Variants in MGAT4C observed in about 807,000 individuals in gnomAD.
The protein encoded by MGAT4C is MGAT4 family member C.
Under a neutral mutation model 40.1 loss-of-function variants are expected in MGAT4C, and 19 were observed. The observed-to-expected ratio is 0.47, with a 90% CI of 0.33 to 0.70. The LOEUF (loss-of-function observed/expected upper bound fraction) is 0.70. MGAT4C is among the 30% of genes least tolerant of loss of function. MGAT4C has a pLI of 0.02. For synonymous variants in MGAT4C, 181 were observed against 187.1 expected (o/e 0.97, Z 0.27); for missense variants, 491 against 563.2 (o/e 0.87, Z 1.30).
chr12:86,350,941 G>T (rs1955145068), intron 3 of MGAT4C, among the ~76,000 whole-genome samples: 1 of 150,736 alleles, frequency 6.6e-6, no homozygotes, highest in Non-Finnish European at 1.5e-5. Context: ...TAGACATGTT[G>T]TTTTTTTAAT....
chr12:86,541,074 C>T (rs1283525827), intron 2 of MGAT4C, among the ~76,000 whole-genome samples: 1 of 152,078 alleles, frequency 6.6e-6, no homozygotes, highest in Non-Finnish European at 1.5e-5. Flanking sequence ...ATTGAAGTTA[C>T]CTATGGTAAC....
intron 2 of MGAT4C, among the ~76,000 whole-genome samples, chr12:86,629,929 C>A (rs977111204): frequency 2.6e-5 from 4 of 151,974 alleles, no homozygotes; most frequent in Admixed American, 2.0e-4. Context: ...CAGACAGAGG[C>A]ACAAAAAACC....
intron 1 of MGAT4C, among the ~76,000 whole-genome samples, chr12:86,182,432 T>C (rs1888228695): frequency 6.6e-6 from 1 of 152,154 alleles, no homozygotes; most frequent in Non-Finnish European, 1.5e-5. Flanking sequence ...ACATTTGTTT[T>C]TAACTAAAAT....
rs1883723661 is a variant in MGAT4C at position 85,973,339 on chromosome 12, C to T, written c.*5950G>A. ...TTTTGGTAATTTTTATACATCAAAA[C>T]TATAATTACCTGTATTTGGGCAGAA... On this transcript the variant is annotated 3_prime_UTR_variant, in exon 5 of 5. Transcript: ENST00000611864. 1 of 150,900 alleles carries T rather than the reference C, an allele frequency of 6.6e-6. No individual in the cohort carries two copies. Among genetic ancestry groups the T allele is most frequent in the Non-Finnish European group, 1.5e-5 (1 of 67,128 alleles). The allele number at this position is 150,900 out of a possible 1,614,324, so 9.3% of individuals were successfully genotyped here.
chr12:86,094,822 T>A (rs769273675), intron 1 of MGAT4C, among the ~76,000 whole-genome samples: 7 of 152,096 alleles, frequency 4.6e-5, no homozygotes, highest in Non-Finnish European at 1.0e-4. Flanking sequence ...AAAGACTCAA[T>A]TAGCACACTG....
chr12:86,680,316 C>T (rs534777520), intron 2 of MGAT4C, among the ~76,000 whole-genome samples: 10 of 152,014 alleles, frequency 6.6e-5, no homozygotes, highest in African/African-American at 2.2e-4. Context: ...TTTTATTTTA[C>T]ATTCACAGGT....
Position 86,012,192 on chromosome 12 carries a change from C to G in MGAT4C, c.-6-22640G>C, listed in dbSNP as rs186196694. On this transcript the variant is annotated intron_variant, in intron 2 of 4. Coordinates refer to ENST00000611864, the MANE Select transcript of MGAT4C (RefSeq NM_001351288.2). ...AGACATTTGCTTGCTAACGGCATAT[C>G]CCACGATACTTTTTATTTCTGTTAC... Among the ~76,000 whole-genome samples the G allele has an allele frequency of 7.9e-5, 12 of 152,222 alleles. No individual in the cohort carries two copies. The East Asian group carries it at 1.9e-3, about 25-fold the overall frequency.
At chr12:86,608,376 C>T (rs1331773163) in intron 2 of MGAT4C, among the ~76,000 whole-genome samples, 3 of 151,834 alleles carry the variant, frequency 2.0e-5, no homozygotes, top group African/African-American at 7.3e-5. Context: ...GCCAGAAGTT[C>T]GAGACCAGCC....
intron 1 of MGAT4C, among the ~76,000 whole-genome samples, chr12:86,147,469 C>G (rs925405129): frequency 6.6e-5 from 10 of 152,268 alleles, no homozygotes; most frequent in African/African-American, 2.4e-4. Context: ...TCTGGATCTC[C>G]TGACCTCGTG....
chr12:86,705,315 T>C (rs940960514), intron 2 of MGAT4C, among the ~76,000 whole-genome samples: 1 of 152,026 alleles, frequency 6.6e-6, no homozygotes, highest in Non-Finnish European at 1.5e-5. Flanking sequence ...TGAAATACAA[T>C]TGGTTATAAT....
intron 1 of MGAT4C, among the ~76,000 whole-genome samples, chr12:86,252,044 T>C (rs1952308205): frequency 6.6e-6 from 1 of 152,102 alleles, no homozygotes; most frequent in Non-Finnish European, 1.5e-5. Flanking sequence ...TTAATAGCTC[T>C]AGATTATTTT....
intron 2 of MGAT4C, among the ~76,000 whole-genome samples, chr12:86,479,779 T>C (rs995860063): frequency 6.6e-6 from 1 of 151,828 alleles, no homozygotes; most frequent in African/African-American, 2.4e-5. Flanking sequence ...CTAGCTGCAA[T>C]TGTTGGTAGG....
At chr12:86,029,559 C>A (rs751237740) in intron 2 of MGAT4C, among the ~76,000 whole-genome samples, 1 of 151,910 alleles carries the variant, frequency 6.6e-6, no homozygotes, top group African/African-American at 2.4e-5. Flanking sequence ...AAATGTCAGA[C>A]GGCTGGGTTC....
intron 3 of MGAT4C, among the ~76,000 whole-genome samples, chr12:86,398,333 C>G (rs535429015): frequency 6.6e-6 from 1 of 152,166 alleles, no homozygotes; most frequent in East Asian, 1.9e-4. Flanking sequence ...CATATAGAAC[C>G]GACCTGGATA....
chr12:86,070,140 G>A (rs1214950142), intron 1 of MGAT4C, among the ~76,000 whole-genome samples: 1 of 149,310 alleles, frequency 6.7e-6, no homozygotes, highest in Non-Finnish European at 1.5e-5. Context: ...ATATTCCCAT[G>A]GTTCTAACAC....
chr12:86,216,406 A>G (rs936025257), intron 1 of MGAT4C, among the ~76,000 whole-genome samples: 4 of 152,210 alleles, frequency 2.6e-5, no homozygotes, highest in African/African-American at 9.6e-5. Context: ...CTTGACAAAT[A>G]TTATTCAAAC....
At chr12:86,227,316 T>A (rs961090957) in intron 1 of MGAT4C, among the ~76,000 whole-genome samples, 1 of 151,902 alleles carries the variant, frequency 6.6e-6, no homozygotes, top group East Asian at 1.9e-4. Context: ...ACATACTACA[T>A]GTAGAATTCA....
chr12:86,054,267 C>T (rs543730763), intron 1 of MGAT4C, among the ~76,000 whole-genome samples: 33 of 151,952 alleles, frequency 2.2e-4, no homozygotes, highest in Non-Finnish European at 4.3e-4. Flanking sequence ...TAATTTGCCA[C>T]ATCATGGATG....
At chr12:86,067,574 G>A (rs111416495) in intron 1 of MGAT4C, among the ~76,000 whole-genome samples, 8 of 151,998 alleles carry the variant, frequency 5.3e-5, no homozygotes, top group Non-Finnish European at 8.8e-5. Flanking sequence ...GGGGGATAGC[G>A]GAGGAGTAGC....
Sources: gnomAD v4.1 joint callset for allele counts (sites outside exome capture counted in the v4.1 genomes callset) on GRCh38, gnomAD v4.1.1 for gene constraint, MANE v1.5 for transcripts, NCBI Gene and HGNC (gene_info 2026-07-23, HGNC 2026-07-21) for gene names.